The following SACS variants were observed in gnomAD, a reference collection of about 807,000 sequenced individuals.
SACS encodes the protein sacsin.
In SACS, 197 loss-of-function variants were observed where a neutral mutation model predicts 348.0. The ratio of observed to expected loss-of-function variants is 0.57; its 90% CI spans 0.50 to 0.64. The LOEUF (loss-of-function observed/expected upper bound fraction) is 0.64, where lower values mean the gene tolerates loss of function less well. Ranked by LOEUF, SACS falls within the 30% of genes least tolerant of loss-of-function variation. SACS has a pLI of 0.00. For synonymous variants in SACS, 1,985 were observed against 1,910.6 expected, an observed-to-expected ratio of 1.04 and a Z score of -1.02; for missense variants, 4,999 against 5,360.8, an observed-to-expected ratio of 0.93 and a Z score of 2.11.
At position 23,365,227 on chromosome 13, in the gene SACS, T is replaced by C. The variant is rs1256540997; in HGVS notation, c.396A>G (p.Leu132=). 2.0e-5 allele frequency: 33 copies of C among 1,612,676 alleles called. No homozygotes were observed. The highest frequency in any genetic ancestry group is 2.6e-5 in the Non-Finnish European group (31 of 1,179,702). The part of the protein sequence containing the change: ...EDAGATEVKF[L]YDETQYGTET... Reference sequence around the variant, plus strand: ...CTGTTCCGTATTGAGTTTCATCATATAAAAATTTAACTTCTGTCGCCCCAG... The same window carrying C: ...CTGTTCCGTATTGAGTTTCATCATACAAAAATTTAACTTCTGTCGCCCCAG... Residue 132 remains leucine (L), a synonymous_variant, in exon 6 of 10, where the codon TTA becomes TTG. Transcript: ENST00000382292.
rs1057517002 is a variant in SACS, at chr13:23,333,072, G to T, written c.10804C>A (p.Gln3602Lys). ...CTCACACTGATTTCCTTAGCAAACT[G>T]TAACAACTGCTGCTGAGAAAGTATG... ...KYILSQQQLL[Q>K]FAKEISVRAN... Residue 3602 changes from glutamine (Q) to lysine (K), a missense_variant, in exon 10 of 10, where the codon CAG becomes AAG. By Grantham distance (53) the Gln-to-Lys change is moderately conservative (BLOSUM62 1). Around this residue, in one of 6 missense-constraint regions of SACS, gnomAD observed 831 missense variants for 941.8 expected, o/e 0.88. Transcript: ENST00000382292. 2.5e-6 allele frequency: 4 copies of T among 1,613,802 alleles called. No homozygotes were observed. In the African/African-American group the frequency reaches 4.0e-5, roughly 16 times the overall value.
chr13:23,334,712 A>G lies in SACS; in HGVS notation c.9164T>C (p.Val3055Ala), dbSNP rs747446258. 2.0e-5 allele frequency: 33 copies of G among 1,613,788 alleles called. No individual in the cohort carries two copies. In the South Asian group the frequency reaches 3.5e-4, roughly 17 times the overall value. The change falls in exon 10 of 10, where the codon GTC becomes GCC. Residue 3055 changes from valine (V) to alanine (A), a missense_variant. This residue lies in a region of SACS where 734 missense variants were observed against 694.0 expected (regional missense o/e 1.06). Transcript: ENST00000382292. ...ITTRKTVAEN[V>A]YRLKHLLLEI... ...TAAAAGGAGATGTTTCAGCCTATAG[A>G]CATTCTCTGCTACTGTTTTGCGTGT...
At chr13:23,388,986 A>C (rs1872419911) in intron 2 of SACS, among the ~76,000 whole-genome samples, 1 of 152,214 alleles carries the variant, frequency 6.6e-6, no homozygotes, top group Non-Finnish European at 1.5e-5. Flanking sequence ...TAATCCATGT[A>C]TTCAAAAAAT....
chr13:23,431,701 C>T (rs2138031225), intron 1 of SACS, among the ~76,000 whole-genome samples: 1 of 152,274 alleles, frequency 6.6e-6, no homozygotes, highest in Admixed American at 6.5e-5. Flanking sequence ...CTTCCTTCTT[C>T]CAAAGAATAC....
chr13:23,345,423 G>C (rs939076562), intron 9 of SACS, among the ~76,000 whole-genome samples: 2 of 152,194 alleles, frequency 1.3e-5, no homozygotes, highest in African/African-American at 4.8e-5. Flanking sequence ...CAGCATAAAA[G>C]TCCAGCAAGC....
rs1870245509 is a variant in SACS, at chr13:23,354,939, T to C, written c.1673A>G (p.Gln558Arg). ...GCTAATTGAATAAATCACTGCATTC[T>C]GCAACAGCTCGCTGAATAGAGGCTC... ...VLEPLFSELL[Q>R]NAVIYSISCD... Residue 558 changes from glutamine to arginine, a missense_variant, in exon 8 of 10, where the codon CAG becomes CGG. By Grantham distance (43) the Gln-to-Arg change is conservative. This residue lies in a region of SACS where 3,156 missense variants were observed against 3,380.1 expected (regional missense o/e 0.93). Transcript: ENST00000382292. 2 of 1,614,256 alleles carry C rather than the reference T, an allele frequency of 1.2e-6. No homozygotes were observed. Among genetic ancestry groups the C allele is most frequent in the Non-Finnish European group, 1.7e-6 (2 of 1,180,048 alleles).
chr13:23,348,846 T>G (rs974996273), intron 9 of SACS, among the ~76,000 whole-genome samples: 1 of 152,198 alleles, frequency 6.6e-6, no homozygotes, highest in Non-Finnish European at 1.5e-5. Flanking sequence ...TACACTGAAG[T>G]AGGCACTGTG....
At chr13:23,391,831 A>T (rs939661088) in intron 2 of SACS, among the ~76,000 whole-genome samples, 1 of 148,098 alleles carries the variant, frequency 6.8e-6, no homozygotes, top group Non-Finnish European at 1.5e-5. Context: ...AGCATGCCAG[A>T]TTGGCAGGAA....
intron 2 of SACS, among the ~76,000 whole-genome samples, chr13:23,408,822 G>A (rs1015689343): frequency 5.9e-5 from 9 of 151,616 alleles, no homozygotes; most frequent in African/African-American, 9.7e-5. Flanking sequence ...AAAATTAGCC[G>A]GGCGTGGTGG....
In SACS at chr13:23,338,271, C is replaced by G. The variant is rs1659855592; in HGVS notation, c.5605G>C (p.Glu1869Gln). The part of the protein sequence containing the change: ...QKWTVKPHIG[E>Q]VFCYLPLRIK... ...CGTAAAGGTAAATAGCAAAACACCT[C>G]TCCAATGTGTGGTTTCACTGTCCAC... Residue 1869 changes from glutamate to glutamine, a missense_variant, in exon 10 of 10, where the codon GAG (glutamate) becomes CAG (glutamine). Physicochemically the swap from Glu to Gln is conservative, Grantham distance 29. This residue lies in a region of SACS where 3,156 missense variants were observed against 3,380.1 expected (regional missense o/e 0.93). Transcript: ENST00000382292. 1.2e-6 allele frequency: 2 copies of G among 1,614,012 alleles called. No homozygotes were observed. Among genetic ancestry groups the G allele is most frequent in the African/African-American group, 2.7e-5 (2 of 74,922 alleles).
rs145184122 is a variant in SACS, at chr13:23,329,315, T to C, written c.*821A>G. 2,636 of 639,348 alleles carry C rather than the reference T, an allele frequency of 4.1e-3. 8 individuals carry two copies. Among genetic ancestry groups the C allele is most frequent in the Non-Finnish European group, 6.0e-3 (2,142 of 359,082 alleles). The allele number at this position is 639,348 out of a possible 1,614,324, so 39.6% of individuals were successfully genotyped here. On this transcript the variant is annotated 3_prime_UTR_variant, in exon 10 of 10. Transcript: ENST00000382292. ...GATTGCATCCTGTTCAACCACACTA[T>C]ATAAATTATAACATTTGTGGAAAAT...
chr13:23,378,753 T>G (rs1221102310), intron 2 of SACS, among the ~76,000 whole-genome samples: 1 of 152,186 alleles, frequency 6.6e-6, no homozygotes, highest in East Asian at 1.9e-4. Flanking sequence ...TTGCAACATT[T>G]TATAGAAAAT....
At position 23,356,114 on chromosome 13, in the gene SACS, C is replaced by A. The variant is rs1022967278; in HGVS notation, c.605-107G>T. ...AGCATGAGCCATTAAATGACTAAAACAGATTTATCTAAACACAAACTTAAT... is the reference window on the plus strand; with the variant it reads ...AGCATGAGCCATTAAATGACTAAAAAAGATTTATCTAAACACAAACTTAAT... On this transcript the variant is annotated intron_variant, in intron 7 of 9. Transcript: ENST00000382292. The A allele has an allele frequency of 6.7e-6, 6 of 894,710 alleles. No homozygotes were observed. In the Admixed American group the frequency reaches 1.4e-4, roughly 22 times the overall value. The allele number at this position is 894,710 out of a possible 1,614,324, so 55.4% of individuals were successfully genotyped here. A position where few individuals can be genotyped will look rare whatever the true frequency, so the allele number is the denominator to read the frequency against.
rs137924716 is a variant in SACS at position 23,355,489 on chromosome 13, C to T, written c.1123G>A (p.Val375Ile). 2.4e-5 allele frequency: 38 copies of T among 1,613,954 alleles called. No homozygotes were observed. The highest frequency in any genetic ancestry group is 2.7e-5 in the African/African-American group (2 of 74,890). The change falls in exon 8 of 10, where the codon GTA becomes ATA. Residue 375 changes from valine (V) to isoleucine (I), a missense_variant. By Grantham distance (29) the Val-to-Ile change is conservative. Coordinates refer to ENST00000382292, the MANE Select transcript of SACS (RefSeq NM_014363.6). ...SNNITCVTYH[V>I]NIVLEEESTK... ...CTCTCCTCTTCTAAAACAATATTTA[C>T]GTGATATGTTACACAGGTGATGTTA...
rs1165908776 is a variant in SACS at position 23,381,359 on chromosome 13, A to G, written c.21-6090T>C. On this transcript the variant is annotated intron_variant, in intron 2 of 9. Coordinates refer to ENST00000382292, the MANE Select transcript of SACS (RefSeq NM_014363.6). ...GCTGGACATGGGCAGCACGAAGCACACACACACACACACACACACACACAC... is the reference window on the plus strand; with the variant it reads ...GCTGGACATGGGCAGCACGAAGCACGCACACACACACACACACACACACAC... Among the ~76,000 whole-genome samples the G allele has an allele frequency of 1.9e-4, 16 of 84,758 alleles. 1 individual carries two copies. The highest frequency in any genetic ancestry group is 1.5e-3 in the East Asian group (2 of 1,292). The allele number at this position is 84,758 out of a possible 152,430, so 55.6% of individuals were successfully genotyped here.
At chr13:23,421,019 C>T (rs777634477) in intron 1 of SACS, among the ~76,000 whole-genome samples, 3 of 151,964 alleles carry the variant, frequency 2.0e-5, no homozygotes. Flanking sequence ...CACCTGGTGT[C>T]TGCCTGGGGC....
Position 23,335,832 on chromosome 13 carries a change from G to C in SACS, c.8044C>G (p.Leu2682Val). Residue 2682 changes from leucine to valine, a missense_variant, in exon 10 of 10, where the codon CTG (leucine) becomes GTG (valine). Leu to Val is a conservative substitution (Grantham distance 32). This residue lies in a region of SACS where 3,156 missense variants were observed against 3,380.1 expected (regional missense o/e 0.93). Coordinates refer to ENST00000382292, the MANE Select transcript of SACS (RefSeq NM_014363.6). The surrounding 1 kb of genome is among the most constrained non-coding windows in gnomAD (Gnocchi z 4.7). ...ADFRTQFSDV[L>V]DLYLGTHFKL... ...AAATGGGTTCCCAGATAAAGATCCA[G>C]AACATCTGAGAACTGTGTCCTAAAA... The C allele has an allele frequency of 6.2e-7, 1 of 1,613,944 alleles. No individual in the cohort carries two copies. Among genetic ancestry groups the C allele is most frequent in the Non-Finnish European group, 8.5e-7 (1 of 1,179,884 alleles).
At chr13:23,398,945 T>C (rs9552948) in intron 2 of SACS, among the ~76,000 whole-genome samples, 40,684 of 143,562 alleles carry the variant, frequency 0.28, 6,154 homozygotes, top group East Asian at 0.45. Context: ...TGCTTGAACC[T>C]GGGAGGCAGA....
At chr13:23,375,631 C>T (rs938741715) in intron 2 of SACS, 2 of 931,740 alleles carry the variant, frequency 2.1e-6, no homozygotes, top group African/African-American at 3.6e-5. Flanking sequence ...GGACCGTTAG[C>T]TGGGGATCCG....
Sources: allele counts gnomAD v4.1 joint callset (sites outside exome capture counted in the v4.1 genomes callset), GRCh38; gene constraint gnomAD v4.1.1; regional missense constraint gnomAD v4.1.1; non-coding constraint Gnocchi (gnomAD v3.1); transcripts MANE v1.5; gene names NCBI Gene and HGNC (gene_info 2026-07-23, HGNC 2026-07-21).